AFF3: variants seen among roughly 807,000 people sequenced by gnomAD.
AFF3 encodes the protein AF4/FMR2 family member 3.
In AFF3, 32 loss-of-function variants were observed where a neutral mutation model predicts 129.7. The ratio of observed to expected loss-of-function variants is 0.25; its 90% confidence interval spans 0.19 to 0.33. The LOEUF (loss-of-function observed/expected upper bound fraction) is 0.33, where lower values mean the gene tolerates loss of function less well. AFF3 is among the 10% of genes least tolerant of loss of function. The probability of loss-of-function intolerance (pLI) is 1.00; values close to 1 mark genes in which losing one functional copy is unlikely to be tolerated. For synonymous variants in AFF3, 644 were observed against 635.4 expected (o/e 1.01, Z -0.20); for missense variants, 1,373 against 1,592.0 (o/e 0.86, Z 2.34).
At chr2:99,616,445 T>C (rs1681439564) in intron 13 of AFF3, among the ~76,000 whole-genome samples, 1 of 152,146 alleles carries the variant, frequency 6.6e-6, no homozygotes, top group Non-Finnish European at 1.5e-5. Flanking sequence ...TGTACAACTA[T>C]CACCATGATC....
At chr2:100,004,006 G>A (rs1326278196) in intron 7 of AFF3, among the ~76,000 whole-genome samples, 2 of 151,390 alleles carry the variant, frequency 1.3e-5, no homozygotes. Context: ...TTCTCTCATT[G>A]CATTGCACCT....
At chr2:99,805,488 G>A (rs1686266040) in intron 8 of AFF3, among the ~76,000 whole-genome samples, 1 of 152,018 alleles carries the variant, frequency 6.6e-6, no homozygotes, top group Admixed American at 6.6e-5. Context: ...AAGAGAATAT[G>A]GACAGTAATG....
rs1677255527 is a variant in AFF3 at position 99,705,362 on chromosome 2, G to C, written c.1091+21715C>G. Among the ~76,000 whole-genome samples the C allele has an allele frequency of 2.6e-5, 4 of 152,070 alleles. No individual in the cohort carries two copies. The South Asian group carries it at 8.3e-4, about 31-fold the overall frequency. The stretch of plus-strand genomic sequence containing the variant: ...AAGCCTGAGTAGGAAGAACAATTAA[G>C]AAAACAACAAGAGAGGGGCTGGGAG... On this transcript the variant is annotated intron_variant, in intron 11 of 24. Transcript: ENST00000672756.
chr2:99,683,873 G>A (rs1674775873), intron 11 of AFF3, among the ~76,000 whole-genome samples: 1 of 152,216 alleles, frequency 6.6e-6, no homozygotes, highest in Non-Finnish European at 1.5e-5. Flanking sequence ...GAAAGCCAGC[G>A]AGGTGATAAA....
rs375529317 is a variant in AFF3 at position 100,026,393 on chromosome 2, A to G, written c.54-17461T>C. ...GAATGGCCATAATCAAAAAATCAAA[A>G]AACAGTAGATGTTGGCATGGATGTG... On this transcript the variant is annotated intron_variant, in intron 4 of 24. Transcript: ENST00000672756. Among the ~76,000 whole-genome samples, 35 of 152,256 alleles carry G rather than the reference A, an allele frequency of 2.3e-4. No individual in the cohort carries two copies. The East Asian group carries it at 5.0e-3, about 22-fold the overall frequency.
intron 9 of AFF3, among the ~76,000 whole-genome samples, chr2:99,748,834 G>C (rs188905930): frequency 3.5e-4 from 54 of 152,258 alleles, no homozygotes; most frequent in Middle Eastern, 6.8e-3. Context: ...TTACTTTCTT[G>C]ACCCAAGGAT....
intron 7 of AFF3, among the ~76,000 whole-genome samples, chr2:99,878,631 A>C (rs769976378): frequency 1.3e-5 from 2 of 152,272 alleles, no homozygotes; most frequent in Non-Finnish European, 2.9e-5. Flanking sequence ...AATTCATAAA[A>C]TAAAAACATA....
intron 7 of AFF3, among the ~76,000 whole-genome samples, chr2:99,889,695 G>T (rs1159176241): frequency 1.3e-5 from 2 of 152,192 alleles, no homozygotes; most frequent in Non-Finnish European, 2.9e-5. Context: ...GTCTCACTCT[G>T]TTGCCCAGGC....
At chr2:99,754,415 G>A (rs1467106045) in intron 8 of AFF3, among the ~76,000 whole-genome samples, 1 of 152,130 alleles carries the variant, frequency 6.6e-6, no homozygotes, top group East Asian at 1.9e-4. Flanking sequence ...AATTACTCAT[G>A]ATTAAACATC....
chr2:99,906,393 T>C (rs575237133), intron 7 of AFF3, among the ~76,000 whole-genome samples: 2 of 152,286 alleles, frequency 1.3e-5, no homozygotes, highest in East Asian at 3.9e-4. Flanking sequence ...TTCGGACCTA[T>C]GTGTCAGCCA....
chr2:99,826,703 G>A (rs569235634), intron 8 of AFF3, among the ~76,000 whole-genome samples: 22 of 152,214 alleles, frequency 1.4e-4, no homozygotes, highest in Non-Finnish European at 2.8e-4. Flanking sequence ...GATGAGTCTG[G>A]AAGCATACGC....
intron 7 of AFF3, among the ~76,000 whole-genome samples, chr2:99,877,050 A>C (rs1576253810): frequency 6.6e-6 from 1 of 152,182 alleles, no homozygotes; most frequent in Non-Finnish European, 1.5e-5. Context: ...ACGCTGAGGG[A>C]GAGAGGAAGA....
chr2:99,875,627 C>T (rs1011270490), intron 7 of AFF3, among the ~76,000 whole-genome samples: 5 of 152,154 alleles, frequency 3.3e-5, no homozygotes, highest in Non-Finnish European at 7.4e-5. Flanking sequence ...GCTCTTCCTC[C>T]ACCAGGGGTA....
chr2:99,765,863 T>C (rs1389544300), intron 8 of AFF3, among the ~76,000 whole-genome samples: 1 of 152,228 alleles, frequency 6.6e-6, no homozygotes, highest in Non-Finnish European at 1.5e-5. Flanking sequence ...TTTGCTTCCT[T>C]AACTCCCTTC....
intron 7 of AFF3, among the ~76,000 whole-genome samples, chr2:99,919,234 CTT>C (rs1695693421): frequency 6.6e-6 from 1 of 152,138 alleles, no homozygotes. Flanking sequence ...ATGTTTATCT[CTT>C]AAGTGTAATT....
chr2:99,790,052 T>G (rs572460085), intron 8 of AFF3, among the ~76,000 whole-genome samples: 12 of 152,188 alleles, frequency 7.9e-5, no homozygotes, highest in Non-Finnish European at 1.8e-4. Context: ...ACATACTGAG[T>G]TCCCATGTGA....
intron 8 of AFF3, among the ~76,000 whole-genome samples, chr2:99,771,742 G>A (rs1399878500): frequency 6.6e-6 from 1 of 152,152 alleles, no homozygotes; most frequent in Admixed American, 6.5e-5. Flanking sequence ...GAATCTGGAG[G>A]TGAAGACAAC....
rs554700107 is a variant in AFF3 at position 99,810,369 on chromosome 2, T to G, written c.921+27108A>C. ...CACACCTGTTCCCCCATCTGAGAGATAATTACAACACTTACTGTGTCAGGC... is the reference window on the plus strand; with the variant it reads ...CACACCTGTTCCCCCATCTGAGAGAGAATTACAACACTTACTGTGTCAGGC... On this transcript the variant is annotated intron_variant, in intron 8 of 24. Coordinates refer to ENST00000672756, the MANE Select transcript of AFF3 (RefSeq NM_001386135.1). 4.0e-4 allele frequency among the ~76,000 whole-genome samples: 61 copies of G among 152,338 alleles called. 1 individual carries two copies. Among genetic ancestry groups the G allele is most frequent in the African/African-American group, 1.4e-3 (58 of 41,566 alleles).
At chr2:99,685,954 G>A (rs541946551) in intron 11 of AFF3, among the ~76,000 whole-genome samples, 8 of 151,900 alleles carry the variant, frequency 5.3e-5, no homozygotes, top group South Asian at 2.1e-4. Flanking sequence ...TGTGGGAGGC[G>A]GAGGCGGGCG....
Sources: allele counts gnomAD v4.1 joint callset (sites outside exome capture counted in the v4.1 genomes callset), GRCh38; gene constraint gnomAD v4.1.1; transcripts MANE v1.5; gene names NCBI Gene and HGNC (gene_info 2026-07-23, HGNC 2026-07-21).